Variants in ULK4 observed in about 807,000 individuals in gnomAD.
The protein encoded by ULK4 is unc-51 like kinase 4.
A neutral mutation model predicts 160.6 loss-of-function variants in ULK4; 133 were observed. That is an observed-to-expected ratio of 0.83 (90% CI 0.72 to 0.96). The LOEUF is 0.96. Among genes scored for constraint, ULK4 ranks in the 40% least tolerant of loss-of-function variants. ULK4 has a pLI of 0.00. For synonymous variants in ULK4, 534 were observed against 539.8 expected (o/e 0.99, Z 0.15); for missense variants, 1,580 against 1,499.5 (o/e 1.05, Z -0.89).
chr3:41,672,209 T>C (rs539983293), intron 29 of ULK4, among the ~76,000 whole-genome samples: 2 of 152,276 alleles, frequency 1.3e-5, no homozygotes, highest in East Asian at 1.9e-4. Flanking sequence ...AGCAATTCCA[T>C]TGCTAGGTAT....
intron 27 of ULK4, among the ~76,000 whole-genome samples, chr3:41,684,301 T>C (rs1266754920): frequency 6.6e-6 from 1 of 152,158 alleles, no homozygotes; most frequent in Non-Finnish European, 1.5e-5. Context: ...TTGAGTGAAA[T>C]GGTAAAGATA....
At chr3:41,879,191 G>C (rs1477943440) in intron 17 of ULK4, among the ~76,000 whole-genome samples, 1 of 152,160 alleles carries the variant, frequency 6.6e-6, no homozygotes, top group South Asian at 2.1e-4. Context: ...AAGAAAATCT[G>C]AACACTAACT....
At chr3:41,495,353 G>A (rs915553625) in intron 32 of ULK4, among the ~76,000 whole-genome samples, 4 of 152,040 alleles carry the variant, frequency 2.6e-5, no homozygotes, top group African/African-American at 9.7e-5. Context: ...AACAAATGGT[G>A]CTGGGAAAAC....
At position 41,741,276 on chromosome 3, in the gene ULK4, G is replaced by A. The variant is rs2038230427; in HGVS notation, c.2321+13085C>T. On this transcript the variant is annotated intron_variant, in intron 22 of 36. Coordinates refer to ENST00000301831, the MANE Select transcript of ULK4 (RefSeq NM_017886.4). ...CCAATTTGGTATTATTCTTCCATATGCATTTTTTAACGAAATTGTATACAA... is the reference window on the plus strand; with the variant it reads ...CCAATTTGGTATTATTCTTCCATATACATTTTTTAACGAAATTGTATACAA... 2.6e-5 allele frequency among the ~76,000 whole-genome samples: 4 copies of A among 151,760 alleles called. No individual in the cohort carries two copies. In the South Asian group the frequency reaches 8.3e-4, roughly 31 times the overall value.
At chr3:41,958,043 CAAA>C (rs60057307) in intron 1 of ULK4, among the ~76,000 whole-genome samples, 14 of 118,466 alleles carry the variant, frequency 1.2e-4, no homozygotes, top group Non-Finnish European at 1.4e-4. Flanking sequence ...GACCCTTTCT[CAAA>C]AAAAAAAAAA....
intron 31 of ULK4, among the ~76,000 whole-genome samples, chr3:41,596,251 T>A (rs904632576): frequency 3.3e-5 from 5 of 152,176 alleles, no homozygotes; most frequent in Non-Finnish European, 7.4e-5. Flanking sequence ...ATCATACACA[T>A]AAAGCAGCAT....
At chr3:41,545,245 T>C (rs950355151) in intron 32 of ULK4, among the ~76,000 whole-genome samples, 9 of 152,204 alleles carry the variant, frequency 5.9e-5, no homozygotes, top group African/African-American at 2.2e-4. Context: ...CTTCATTTCT[T>C]ACGGCAAATT....
chr3:41,833,763 G>C (rs1011226643), intron 18 of ULK4, among the ~76,000 whole-genome samples: 9 of 152,094 alleles, frequency 5.9e-5, no homozygotes, highest in Admixed American at 5.9e-4. Flanking sequence ...TTTGGGCTGA[G>C]ACAAGGGGGG....
chr3:41,874,717 G>C (rs1438260796), intron 17 of ULK4, among the ~76,000 whole-genome samples: 12 of 152,104 alleles, frequency 7.9e-5, no homozygotes, highest in Admixed American at 6.5e-4. Context: ...AGTGAAGGAG[G>C]GGAGAGGGAT....
intron 30 of ULK4, among the ~76,000 whole-genome samples, chr3:41,642,746 A>G (rs1416112566): frequency 6.6e-6 from 1 of 152,196 alleles, no homozygotes; most frequent in Non-Finnish European, 1.5e-5. Flanking sequence ...CTAGTTCTAG[A>G]TCCCTGAAGA....
At chr3:41,617,356 C>T (rs1267636793) in intron 30 of ULK4, among the ~76,000 whole-genome samples, 2 of 152,218 alleles carry the variant, frequency 1.3e-5, no homozygotes. Context: ...CGACAGACAC[C>T]TCATACAGGA....
Position 41,352,291 on chromosome 3 carries a change from G to A in ULK4, c.3678+45788C>T, listed in dbSNP as rs1043967819. Among the ~76,000 whole-genome samples the A allele has an allele frequency of 2.6e-4, 40 of 152,248 alleles. 1 individual carries two copies. The highest frequency in any genetic ancestry group is 9.4e-4 in the African/African-American group (39 of 41,560). ...CCATCATTGTAGCTACAGAGGAATG[G>A]TAAGGGTCACATACACCTACACTGT... On this transcript the variant is annotated intron_variant, in intron 35 of 36. Transcript: ENST00000301831.
chr3:41,816,204 G>A (rs1349950647), intron 19 of ULK4, among the ~76,000 whole-genome samples: 1 of 151,926 alleles, frequency 6.6e-6, no homozygotes. Flanking sequence ...TAAAGAAAAT[G>A]AATAAATGCA....
chr3:41,823,850 T>A (rs1219694117), intron 18 of ULK4, among the ~76,000 whole-genome samples: 4 of 152,146 alleles, frequency 2.6e-5, no homozygotes, highest in African/African-American at 9.7e-5. Context: ...TCAAATAGCC[T>A]AGCTTGTATT....
intron 32 of ULK4, among the ~76,000 whole-genome samples, chr3:41,507,640 CTG>C (rs1399590717): frequency 1.1e-3 from 70 of 63,996 alleles, no homozygotes; most frequent in African/African-American, 3.7e-3. Context: ...AAAAAAAAAA[CTG>C]AAATTTTATT....
intron 5 of ULK4, 37 bp downstream of exon 5, chr3:41,931,807 T>C (rs1260654223): frequency 6.2e-7 from 1 of 1,610,496 alleles, no homozygotes. Flanking sequence ...GGTCCACAAC[T>C]AGAGTTATGA....
chr3:41,574,707 T>C (rs1002675443), intron 31 of ULK4, among the ~76,000 whole-genome samples: 1 of 152,002 alleles, frequency 6.6e-6, no homozygotes, highest in Non-Finnish European at 1.5e-5. Flanking sequence ...CATGCCTGGC[T>C]AATTTTTTGT....
chr3:41,953,371 C>T (rs1169791798), intron 2 of ULK4, among the ~76,000 whole-genome samples: 1 of 148,430 alleles, frequency 6.7e-6, no homozygotes, highest in Non-Finnish European at 1.5e-5. Context: ...GGCATGATCC[C>T]GGCTTACTGC....
chr3:41,806,614 G>A (rs1217059820), intron 19 of ULK4, among the ~76,000 whole-genome samples: 6 of 151,676 alleles, frequency 4.0e-5, no homozygotes, highest in African/African-American at 1.5e-4. Context: ...TTTCTCTTGT[G>A]GGCATTTAGT....
Sources: gnomAD v4.1 joint callset for allele counts (sites outside exome capture counted in the v4.1 genomes callset) on GRCh38, gnomAD v4.1.1 for gene constraint, MANE v1.5 for transcripts, NCBI Gene and HGNC (gene_info 2026-07-23, HGNC 2026-07-21) for gene names.